DPF3: variants seen among roughly 807,000 people sequenced by gnomAD.
DPF3 encodes double PHD fingers 3.
A neutral mutation model predicts 56.8 loss-of-function variants in DPF3; 18 were observed. The ratio of observed to expected loss-of-function variants is 0.32; its 90% CI spans 0.22 to 0.47. The LOEUF is 0.47. Among genes scored for constraint, DPF3 ranks in the 20% least tolerant of loss-of-function variants. The probability of loss-of-function intolerance (pLI) is 1.00; values close to 1 mark genes in which losing one functional copy is unlikely to be tolerated. For missense variants in DPF3, 403 were observed against 488.8 expected (o/e 0.82, Z 1.65); for synonymous variants, 188 against 180.2 (o/e 1.04, Z -0.35).
chr14:72,690,085 G>A (rs914818441), intron 7 of DPF3, among the ~76,000 whole-genome samples: 1 of 152,196 alleles, frequency 6.6e-6, no homozygotes, highest in African/African-American at 2.4e-5. Flanking sequence ...AAGAGAAAAA[G>A]GGGAGGGGGA....
intron 6 of DPF3, among the ~76,000 whole-genome samples, chr14:72,708,354 G>A (rs1012507529): frequency 6.6e-6 from 1 of 152,126 alleles, no homozygotes; most frequent in Non-Finnish European, 1.5e-5. Context: ...AGTCTCCAGG[G>A]ATCAATCCCA....
At chr14:72,725,598 T>C (rs1445776365) in intron 4 of DPF3, among the ~76,000 whole-genome samples, 2 of 152,056 alleles carry the variant, frequency 1.3e-5, no homozygotes, top group Admixed American at 1.3e-4. Context: ...ACAAGTACCA[T>C]ACTACACAGG....
chr14:72,707,644 G>T, intron 6 of DPF3, among the ~76,000 whole-genome samples: 1 of 151,908 alleles, frequency 6.6e-6, no homozygotes, highest in East Asian at 1.9e-4. Context: ...GCGTTAAAAT[G>T]GTACGTATCA....
rs925858879 is a variant in DPF3 at position 72,615,233 on chromosome 14, C to T, written c.*4064G>A. ...CTCAGGGCCCGCCCTGGGCCACGGG[C>T]GGCGCAACACCCCCTACCTCCTCAC... On this transcript the variant is annotated 3_prime_UTR_variant, in exon 11 of 11. Coordinates refer to ENST00000556509, the MANE Select transcript of DPF3 (RefSeq NM_001280542.3). Among the ~76,000 whole-genome samples the T allele has an allele frequency of 2.0e-5, 3 of 152,086 alleles. No homozygotes were observed. Among genetic ancestry groups the T allele is most frequent in the African/African-American group, 4.8e-5 (2 of 41,398 alleles).
At chr14:72,681,452 G>A (rs978697596) in intron 7 of DPF3, among the ~76,000 whole-genome samples, 3 of 152,178 alleles carry the variant, frequency 2.0e-5, no homozygotes, top group African/African-American at 7.2e-5. Context: ...CCAGAGTCTT[G>A]AGACTCATTC....
At chr14:72,746,912 A>G (rs1412936469) in intron 3 of DPF3, among the ~76,000 whole-genome samples, 2 of 152,258 alleles carry the variant, frequency 1.3e-5, no homozygotes, top group African/African-American at 2.4e-5. Context: ...ATGTTACGGC[A>G]GGCCCGACAA....
At chr14:72,884,971 T>TATATATATACATATA in intron 1 of DPF3, among the ~76,000 whole-genome samples, 1 of 111,686 alleles carries the variant, frequency 9.0e-6, no homozygotes, top group African/African-American at 3.1e-5. Context: ...TATATATATA[T>TATATATATACATATA]TAGCCGGGCG....
intron 3 of DPF3, among the ~76,000 whole-genome samples, chr14:72,741,817 G>A (rs1890134121): frequency 6.6e-6 from 1 of 151,940 alleles, no homozygotes; most frequent in Non-Finnish European, 1.5e-5. Context: ...GGCATAACTG[G>A]GTGATCCCTC....
At chr14:72,800,795 G>T (rs373988595) in intron 1 of DPF3, among the ~76,000 whole-genome samples, 2 of 88,234 alleles carry the variant, frequency 2.3e-5, no homozygotes, top group African/African-American at 4.3e-5. Context: ...GGTGGATGCA[G>T]GGATGGATGC....
At chr14:72,728,447 C>T (rs534328909) in intron 4 of DPF3, among the ~76,000 whole-genome samples, 13 of 152,070 alleles carry the variant, frequency 8.5e-5, no homozygotes, top group South Asian at 8.3e-4. Flanking sequence ...AACAGAGCGG[C>T]GAAAGGAGTA....
intron 1 of DPF3, chr14:72,892,281 A>C (rs1030541118): frequency 6.5e-7 from 1 of 1,535,534 alleles, no homozygotes; most frequent in South Asian, 1.2e-5. Context: ...GCGGTGTTGC[A>C]GCGAAAGCAA....
At chr14:72,792,923 T>C (rs1318115082) in intron 1 of DPF3, among the ~76,000 whole-genome samples, 2 of 102,598 alleles carry the variant, frequency 1.9e-5, no homozygotes, top group East Asian at 8.6e-4. Flanking sequence ...TTCTTCAAAA[T>C]AATAATTTAA....
At chr14:72,870,611 GATA>G (rs1885860449) in intron 1 of DPF3, among the ~76,000 whole-genome samples, 1 of 152,150 alleles carries the variant, frequency 6.6e-6, no homozygotes. Context: ...ACAATAAATT[GATA>G]AAAATAATAA....
In DPF3 at chr14:72,789,044, G is replaced by A. The variant is rs60808493; in HGVS notation, c.33-17151C>T. Among the ~76,000 whole-genome samples the A allele has an allele frequency of 9.6e-3, 1,464 of 152,228 alleles. 28 individuals carry two copies. Among genetic ancestry groups the A allele is most frequent in the African/African-American group, 0.033 (1,391 of 41,528 alleles). On this transcript the variant is annotated intron_variant, in intron 1 of 10. Coordinates refer to ENST00000556509, the MANE Select transcript of DPF3 (RefSeq NM_001280542.3). ...CCAGTGAGGCCTCCCTCCAATAATG[G>A]TGTGGCTACTTATTCGAAAACCATC...
At chr14:72,878,045 C>T (rs148158168) in intron 1 of DPF3, among the ~76,000 whole-genome samples, 6 of 152,082 alleles carry the variant, frequency 3.9e-5, no homozygotes, top group Non-Finnish European at 5.9e-5. Context: ...TTCTACAATT[C>T]GGCTCCTGCA....
At chr14:72,636,166 G>T (rs1033680899) in intron 8 of DPF3, among the ~76,000 whole-genome samples, 1 of 152,012 alleles carries the variant, frequency 6.6e-6, no homozygotes, top group African/African-American at 2.4e-5. Flanking sequence ...CCAAAATAGC[G>T]CCAAAAACAA....
chr14:72,857,709 C>A (rs995000623), intron 1 of DPF3, among the ~76,000 whole-genome samples: 1 of 151,976 alleles, frequency 6.6e-6, no homozygotes, highest in African/African-American at 2.4e-5. Context: ...GCCTCAGCCT[C>A]CCGAGCAGCT....
chr14:72,784,544 T>C (rs948757346), intron 1 of DPF3, among the ~76,000 whole-genome samples: 5 of 152,186 alleles, frequency 3.3e-5, no homozygotes, highest in Admixed American at 6.5e-5. Flanking sequence ...CAGGTTCCCA[T>C]TCTCCCTTGC....
At chr14:72,785,585 T>C (rs1892179362) in intron 1 of DPF3, among the ~76,000 whole-genome samples, 1 of 152,204 alleles carries the variant, frequency 6.6e-6, no homozygotes, top group Non-Finnish European at 1.5e-5. Context: ...CTTCCTTTCT[T>C]GGAGGTTTCT....
Sources: gnomAD v4.1 joint callset for allele counts (sites outside exome capture counted in the v4.1 genomes callset) on GRCh38, gnomAD v4.1.1 for gene constraint, MANE v1.5 for transcripts, NCBI Gene and HGNC (gene_info 2026-07-23, HGNC 2026-07-21) for gene names.